The following CSMD3 variants were observed in gnomAD, a reference collection of about 807,000 sequenced individuals.
The protein encoded by CSMD3 is CUB and sushi domain-containing protein 3.
In CSMD3, 177 loss-of-function variants were observed where a neutral mutation model predicts 435.2. The ratio of observed to expected loss-of-function variants is 0.41; its 90% CI spans 0.36 to 0.46. The LOEUF is 0.46. Among genes scored for constraint, CSMD3 ranks in the 20% least tolerant of loss-of-function variants. CSMD3 has a pLI of 0.34. For synonymous variants in CSMD3, 1,656 were observed against 1,520.5 expected (o/e 1.09, Z -2.07); for missense variants, 4,265 against 4,504.6 (o/e 0.95, Z 1.52).
intron 34 of CSMD3, 106 bp downstream of exon 34, chr8:112,408,212 T>C (rs1292477098): frequency 1.2e-6 from 1 of 846,298 alleles, no homozygotes; most frequent in East Asian, 2.4e-5. Context: ...ATAAAACTGC[T>C]TAAAAACACT....
chr8:112,798,512 G>A (rs1195690695), intron 13 of CSMD3, among the ~76,000 whole-genome samples: 1 of 151,748 alleles, frequency 6.6e-6, no homozygotes, highest in East Asian at 1.9e-4. Context: ...CATTTAGAAT[G>A]TCCTGGGTTG....
chr8:113,070,026 C>T (rs943836599), intron 5 of CSMD3, among the ~76,000 whole-genome samples: 9 of 152,074 alleles, frequency 5.9e-5, no homozygotes, highest in Non-Finnish European at 1.3e-4. Flanking sequence ...TTGTTTCACT[C>T]CATTCCCTAG....
chr8:112,266,666 C>A (rs1816980018), intron 59 of CSMD3, among the ~76,000 whole-genome samples: 1 of 152,086 alleles, frequency 6.6e-6, no homozygotes, highest in Non-Finnish European at 1.5e-5. Flanking sequence ...TTTATAATGC[C>A]AGCCAAAATG....
intron 32 of CSMD3, among the ~76,000 whole-genome samples, chr8:112,443,745 T>C (rs1815294283): frequency 6.6e-6 from 1 of 152,216 alleles, no homozygotes; most frequent in South Asian, 2.1e-4. Context: ...ACAGGTAATA[T>C]CTGGCTTAAT....
chr8:112,911,367 C>G (rs965596734), intron 10 of CSMD3, among the ~76,000 whole-genome samples: 1 of 151,486 alleles, frequency 6.6e-6, no homozygotes, highest in Non-Finnish European at 1.5e-5. Flanking sequence ...ATTAATATAC[C>G]CATCACCTCA....
intron 13 of CSMD3, among the ~76,000 whole-genome samples, chr8:112,704,743 T>TA (rs1271231162): frequency 6.6e-6 from 1 of 152,114 alleles, no homozygotes; most frequent in Non-Finnish European, 1.5e-5. Flanking sequence ...CTAGCTTAAT[T>TA]AAAATGAAAT....
intron 61 of CSMD3, chr8:112,255,646 T>C (rs1815716345): frequency 1.8e-6 from 1 of 555,150 alleles, no homozygotes; most frequent in South Asian, 2.3e-5. Context: ...GATTTCGATG[T>C]TTTCCACTTA....
chr8:113,242,485 C>A (rs1001525911), intron 3 of CSMD3, among the ~76,000 whole-genome samples: 2 of 151,962 alleles, frequency 1.3e-5, no homozygotes, highest in Non-Finnish European at 2.9e-5. Context: ...GACTAAAGTT[C>A]ACCAATCTGA....
chr8:112,351,806 T>C (rs1255778344), intron 39 of CSMD3, among the ~76,000 whole-genome samples: 1 of 152,010 alleles, frequency 6.6e-6, no homozygotes, highest in Non-Finnish European at 1.5e-5. Flanking sequence ...TTATCTAATA[T>C]GTGAAACAGT....
intron 6 of CSMD3, among the ~76,000 whole-genome samples, chr8:113,005,011 A>G (rs191564535): frequency 6.6e-6 from 1 of 151,868 alleles, no homozygotes; most frequent in Non-Finnish European, 1.5e-5. Context: ...CAAGAGACAT[A>G]TATGTATATA....
At chr8:112,491,503 A>T (rs926499242) in intron 31 of CSMD3, among the ~76,000 whole-genome samples, 6 of 152,040 alleles carry the variant, frequency 3.9e-5, no homozygotes, top group African/African-American at 1.4e-4. Flanking sequence ...TACAAAAATT[A>T]TCTGGGTGTG....
In CSMD3 at chr8:112,666,348, G is replaced by A. The variant is rs2131707594; in HGVS notation, c.2745C>T (p.Tyr915=). 1.2e-6 allele frequency: 2 copies of A among 1,612,422 alleles called. No homozygotes were observed. The highest frequency in any genetic ancestry group is 1.7e-6 in the Non-Finnish European group (2 of 1,179,000). The change falls in exon 17 of 71, where the codon TAC becomes TAT. Residue 915 remains tyrosine (Y), a synonymous_variant. Coordinates refer to ENST00000297405, the MANE Select transcript of CSMD3 (RefSeq NM_198123.2). ...CCCACTCACAATTCAAAGAGTCTTT[G>A]TAGTATCCTGGCCATCCTGGTGAGA... The part of the protein sequence containing the change: ...VILSPGWPGY[Y]KDSLNCEWVI...
intron 2 of CSMD3, among the ~76,000 whole-genome samples, chr8:113,284,073 T>G (rs2093629730): frequency 6.6e-6 from 1 of 152,054 alleles, no homozygotes; most frequent in African/African-American, 2.4e-5. Flanking sequence ...CAATGAACTT[T>G]GGGGACTTGG....
intron 5 of CSMD3, among the ~76,000 whole-genome samples, chr8:113,046,224 GGT>G: frequency 6.7e-6 from 1 of 148,760 alleles, no homozygotes; most frequent in East Asian, 1.9e-4. Flanking sequence ...TGCGACCCCA[GGT>G]GTGTGAGGGA....
chr8:113,182,565 AAAC>A (rs1386983366), intron 3 of CSMD3, among the ~76,000 whole-genome samples: 1 of 151,986 alleles, frequency 6.6e-6, no homozygotes, highest in Non-Finnish European at 1.5e-5. Flanking sequence ...ACAAAAACAA[AAAC>A]AAAAAAAACT....
intron 63 of CSMD3, among the ~76,000 whole-genome samples, chr8:112,254,015 C>T (rs909261435): frequency 6.6e-6 from 1 of 151,776 alleles, no homozygotes. Flanking sequence ...ATGCTCACTG[C>T]TATTTTTTGC....
At chr8:112,402,815 T>C (rs1369158949) in intron 35 of CSMD3, among the ~76,000 whole-genome samples, 1 of 152,216 alleles carries the variant, frequency 6.6e-6, no homozygotes, top group East Asian at 1.9e-4. Flanking sequence ...TTCCAATTTA[T>C]GCATATTGCA....
chr8:113,364,599 G>A (rs372331263), intron 1 of CSMD3, among the ~76,000 whole-genome samples: 3 of 152,108 alleles, frequency 2.0e-5, no homozygotes, highest in South Asian at 4.1e-4. Context: ...ATCTCTAAAC[G>A]ATACCAGTTA....
At chr8:113,291,904 T>G (rs1433046796) in intron 2 of CSMD3, among the ~76,000 whole-genome samples, 1 of 151,522 alleles carries the variant, frequency 6.6e-6, no homozygotes, top group Admixed American at 6.6e-5. Flanking sequence ...TGATAGATTT[T>G]CATTTTTCAA....
Sources: gnomAD v4.1 joint callset for allele counts (sites outside exome capture counted in the v4.1 genomes callset) on GRCh38, gnomAD v4.1.1 for gene constraint, MANE v1.5 for transcripts, NCBI Gene and HGNC (gene_info 2026-07-23, HGNC 2026-07-21) for gene names.